The following SHANK2 variants were observed in gnomAD, a reference collection of about 807,000 sequenced individuals.
SHANK2 encodes SH3 and multiple ankyrin repeat domains protein 2.
In SHANK2, 43 loss-of-function variants were observed where a neutral mutation model predicts 133.7. The ratio of observed to expected loss-of-function variants is 0.32; its 90% CI spans 0.25 to 0.41. The LOEUF (loss-of-function observed/expected upper bound fraction) is 0.41. Ranked by LOEUF, SHANK2 falls within the 10% of genes least tolerant of loss-of-function variation. SHANK2 has a pLI of 1.00. For synonymous variants in SHANK2, 1,017 were observed against 952.8 expected (o/e 1.07, Z -1.24); for missense variants, 1,994 against 2,235.8 (o/e 0.89, Z 2.18).
chr11:70,577,302 A>G (rs1489646624), intron 17 of SHANK2, among the ~76,000 whole-genome samples: 1 of 152,094 alleles, frequency 6.6e-6, no homozygotes, highest in Admixed American at 6.5e-5. Context: ...TTCTCCAGTG[A>G]CCCCAAGACC....
intron 3 of SHANK2, among the ~76,000 whole-genome samples, chr11:71,129,823 G>A (rs1290579226): frequency 1.3e-5 from 2 of 152,188 alleles, no homozygotes; most frequent in African/African-American, 2.4e-5. Flanking sequence ...TGCCACTTAC[G>A]CTGAGTTATG....
chr11:70,904,826 A>AG (rs1242406400), intron 10 of SHANK2, among the ~76,000 whole-genome samples: 1 of 152,152 alleles, frequency 6.6e-6, no homozygotes, highest in Non-Finnish European at 1.5e-5. Context: ...CGTTTTAAAA[A>AG]GGGGAGTTTC....
intron 17 of SHANK2, among the ~76,000 whole-genome samples, chr11:70,539,103 CAG>C (rs2059580792): frequency 6.6e-6 from 1 of 152,196 alleles, no homozygotes; most frequent in East Asian, 1.9e-4. Flanking sequence ...CTGCGGCACA[CAG>C]AGGATCAGGA....
chr11:70,804,034 C>A lies in SHANK2; in HGVS notation c.1663+2968G>T, dbSNP rs1038619563. ...GGAGCAGCAGTGTTATCAGCAGGACCCCAGGGCCACCCTGGGGCCCGTCAC... is the reference window on the plus strand; with the variant it reads ...GGAGCAGCAGTGTTATCAGCAGGACACCAGGGCCACCCTGGGGCCCGTCAC... On this transcript the variant is annotated intron_variant, in intron 13 of 25. Transcript: ENST00000601538. The surrounding 1 kb of genome is among the most constrained non-coding windows in gnomAD (Gnocchi z 4.1). Among the ~76,000 whole-genome samples, 1 of 152,044 alleles carries A rather than the reference C, an allele frequency of 6.6e-6. No individual in the cohort carries two copies. Among genetic ancestry groups the A allele is most frequent in the East Asian group, 1.9e-4 (1 of 5,152 alleles).
chr11:70,526,051 C>T (rs2059392275), intron 17 of SHANK2, among the ~76,000 whole-genome samples: 1 of 142,832 alleles, frequency 7.0e-6, no homozygotes. Context: ...CACATTAAAA[C>T]AGAGATCCGG....
chr11:70,769,565 A>G (rs1046408682), intron 14 of SHANK2, among the ~76,000 whole-genome samples: 3 of 152,040 alleles, frequency 2.0e-5, no homozygotes, highest in South Asian at 2.1e-4. Flanking sequence ...GGGGTGGGGC[A>G]GGGGGGCTCT....
intron 7 of SHANK2, among the ~76,000 whole-genome samples, chr11:71,093,051 A>AG (rs33983330): frequency 0.35 from 24,212 of 70,116 alleles, 5,818 homozygotes; most frequent in East Asian, 0.42. Flanking sequence ...TCAAAAATAA[A>AG]GGGGGGGGGG....
Position 70,486,841 on chromosome 11 carries a change from C to T in SHANK2, c.3452G>A (p.Arg1151Lys). ...LSSPMPSATP[R>K]EPENHFVGGA... Reference sequence around the variant, plus strand: ...ACCCACGAAATGGTTTTCGGGCTCCCTGGGCGTGGCACTCGGCATGGGGGA... The same window carrying T: ...ACCCACGAAATGGTTTTCGGGCTCCTTGGGCGTGGCACTCGGCATGGGGGA... The change falls in exon 25 of 26, where the codon AGG becomes AAG. Residue 1151 changes from arginine to lysine, a missense_variant. Physicochemically the swap from Arg to Lys is conservative, Grantham distance 26. This residue lies in a region of SHANK2 where 797 missense variants were observed against 907.4 expected (regional missense o/e 0.88). Transcript: ENST00000601538. This position sits in a 1 kb window ranked among gnomAD's most constrained non-coding sequence, Gnocchi z 8.0. 1 of 1,612,766 alleles carries T rather than the reference C, an allele frequency of 6.2e-7. No individual in the cohort carries two copies. The highest frequency in any genetic ancestry group is 8.5e-7 in the Non-Finnish European group (1 of 1,179,932).
intron 17 of SHANK2, among the ~76,000 whole-genome samples, chr11:70,642,252 T>C (rs956970105): frequency 6.6e-6 from 1 of 151,708 alleles, no homozygotes; most frequent in African/African-American, 2.4e-5. Flanking sequence ...TAGGCTGCCT[T>C]TGAGATAAAT....
intron 2 of SHANK2, among the ~76,000 whole-genome samples, chr11:71,206,498 C>A (rs576283619): frequency 6.6e-6 from 1 of 152,158 alleles, no homozygotes; most frequent in Non-Finnish European, 1.5e-5. Flanking sequence ...GCCGCACCCC[C>A]GCCAGCCTAC....
intron 2 of SHANK2, among the ~76,000 whole-genome samples, chr11:71,151,197 G>T (rs1952790744): frequency 6.6e-6 from 1 of 152,142 alleles, no homozygotes; most frequent in Admixed American, 6.5e-5. Context: ...TGTGGACCCT[G>T]TGCTAGTGTT....
chr11:70,921,358 GA>G (rs1379743852), intron 10 of SHANK2, among the ~76,000 whole-genome samples: 1 of 152,178 alleles, frequency 6.6e-6, no homozygotes. Flanking sequence ...CCAGACTCAG[GA>G]AAAGGACTGA....
chr11:70,731,246 C>T (rs192361503), intron 14 of SHANK2, among the ~76,000 whole-genome samples: 2 of 152,296 alleles, frequency 1.3e-5, no homozygotes, highest in East Asian at 3.9e-4. Flanking sequence ...AGAAGGTGGC[C>T]GTCTGCAAGC....
At position 71,252,154 on chromosome 11, in the gene SHANK2, C is replaced by G. The variant is rs1352350963; in HGVS notation, c.-113+271G>C. Among the ~76,000 whole-genome samples the G allele has an allele frequency of 4.6e-5, 7 of 152,314 alleles. No individual in the cohort carries two copies. The highest frequency in any genetic ancestry group is 1.0e-4 in the Non-Finnish European group (7 of 68,018). ...CTGCGCTCTGCCCCCACGCCGCTTC[C>G]AAAGCTTTCGACACCGGCCCCTGCC... On this transcript the variant is annotated intron_variant, in intron 1 of 25. Coordinates refer to ENST00000601538, the MANE Select transcript of SHANK2 (RefSeq NM_012309.5). The surrounding 1 kb of genome is among the most constrained non-coding windows in gnomAD (Gnocchi z 6.3).
At chr11:70,943,312 C>T (rs375413788) in intron 10 of SHANK2, among the ~76,000 whole-genome samples, 4 of 152,214 alleles carry the variant, frequency 2.6e-5, no homozygotes, top group East Asian at 3.9e-4. Flanking sequence ...AAAGTGTGGC[C>T]GTGCTAGGGA....
chr11:70,546,261 T>C (rs1288067739), intron 17 of SHANK2, among the ~76,000 whole-genome samples: 1 of 151,990 alleles, frequency 6.6e-6, no homozygotes, highest in Non-Finnish European at 1.5e-5. Flanking sequence ...TTTCAATACT[T>C]AGGTACAGCT....
At chr11:70,717,021 G>A (rs1440502819) in intron 14 of SHANK2, among the ~76,000 whole-genome samples, 2 of 152,048 alleles carry the variant, frequency 1.3e-5, no homozygotes, top group Non-Finnish European at 2.9e-5. Flanking sequence ...TATGCAGCCT[G>A]CAAACGCACA....
intron 17 of SHANK2, among the ~76,000 whole-genome samples, chr11:70,598,824 C>CA (rs1565164595): frequency 6.9e-6 from 1 of 145,522 alleles, no homozygotes; most frequent in Non-Finnish European, 1.5e-5. Flanking sequence ...GCAAGTGATA[C>CA]AAAAAAGGAC....
At chr11:71,119,898 C>A (rs1337903766) in intron 3 of SHANK2, among the ~76,000 whole-genome samples, 2 of 152,174 alleles carry the variant, frequency 1.3e-5, no homozygotes, top group African/African-American at 4.8e-5. Flanking sequence ...TTTAGCATTT[C>A]AGATTCGGTG....
Sources: gnomAD v4.1 joint callset for allele counts (sites outside exome capture counted in the v4.1 genomes callset) on GRCh38, gnomAD v4.1.1 for gene constraint, gnomAD v4.1.1 regional missense constraint, Gnocchi (gnomAD v3.1) non-coding constraint, MANE v1.5 for transcripts, NCBI Gene and HGNC (gene_info 2026-07-23, HGNC 2026-07-21) for gene names.